The following SERPINI1 variants were observed in gnomAD, a reference collection of about 807,000 sequenced individuals.
SERPINI1 encodes the protein serpin family I member 1.
A neutral mutation model predicts 41.1 loss-of-function variants in SERPINI1; 19 were observed. That is an observed-to-expected ratio of 0.46 (90% CI 0.32 to 0.68). The LOEUF (loss-of-function observed/expected upper bound fraction) is 0.68. Among genes scored for constraint, SERPINI1 ranks in the 30% least tolerant of loss-of-function variants. SERPINI1 has a pLI of 0.03. For synonymous variants in SERPINI1, 138 were observed against 156.6 expected (o/e 0.88, Z 0.89); for missense variants, 460 against 479.2 (o/e 0.96, Z 0.37).
chr3:167,754,275 C>T (rs1264529619), intron 1 of SERPINI1, among the ~76,000 whole-genome samples: 3 of 152,158 alleles, frequency 2.0e-5, no homozygotes, highest in Admixed American at 2.0e-4. Flanking sequence ...ACCAATTGAA[C>T]CACACATTAC....
chr3:167,775,225 TTTATTATTATTA>T (rs558261774), intron 1 of SERPINI1, among the ~76,000 whole-genome samples: 3,017 of 134,316 alleles, frequency 0.022, 90 homozygotes, highest in African/African-American at 0.063. Context: ...GAAGTGTCAC[TTTATTATTATTA>T]TTATTATTAT....
Position 167,825,150 on chromosome 3 carries a change from G to A in SERPINI1, c.1157-97G>A, listed in dbSNP as rs1172812488. On this transcript the variant is annotated intron_variant, in intron 8 of 8. Transcript: ENST00000446050. ...AAGGAAGGAAGGAAGGAAGGAAGGA[G>A]AAAATAACATATTTTCATTAATTGT... 7 of 854,056 alleles carry A rather than the reference G, an allele frequency of 8.2e-6. No individual in the cohort carries two copies. In the East Asian group the frequency reaches 1.2e-4, roughly 15 times the overall value. The allele number at this position is 854,056 out of a possible 1,614,324, so 52.9% of individuals were successfully genotyped here.
At position 167,794,635 on chromosome 3, in the gene SERPINI1, G is replaced by A. The variant is rs1280904922; in HGVS notation, c.692G>A (p.Gly231Asp). The A allele has an allele frequency of 6.2e-7, 1 of 1,613,282 alleles. No individual in the cohort carries two copies. Among genetic ancestry groups the A allele is most frequent in the Non-Finnish European group, 8.5e-7 (1 of 1,179,650 alleles). The change falls in exon 5 of 9, where the codon GGC (glycine) becomes GAC (aspartate). Residue 231 changes from glycine to aspartate, a missense_variant. Coordinates refer to ENST00000446050, the MANE Select transcript of SERPINI1 (RefSeq NM_001122752.2). ...GEFYYGEFSD[G>D]SNEAGGIYQV... Reference sequence around the variant, plus strand: ...TTCTTTTTAGGGGAATTTAGTGATGGCTCCAATGAAGCTGGTGGTATCTAC... The same window carrying A: ...TTCTTTTTAGGGGAATTTAGTGATGACTCCAATGAAGCTGGTGGTATCTAC...
chr3:167,749,463 T>C (rs1373036472), intron 1 of SERPINI1, among the ~76,000 whole-genome samples: 1 of 152,228 alleles, frequency 6.6e-6, no homozygotes, highest in Non-Finnish European at 1.5e-5. Context: ...GCTATCTTTA[T>C]ACAAGACAAT....
intron 5 of SERPINI1, among the ~76,000 whole-genome samples, chr3:167,806,300 C>T (rs575374927): frequency 6.6e-6 from 1 of 151,386 alleles, no homozygotes; most frequent in Non-Finnish European, 1.5e-5. Context: ...GGGAGGGGAA[C>T]ATCACACACT....
chr3:167,805,740 G>A (rs894043282), intron 5 of SERPINI1, among the ~76,000 whole-genome samples: 1 of 152,136 alleles, frequency 6.6e-6, no homozygotes, highest in Non-Finnish European at 1.5e-5. Flanking sequence ...AAGGGGTCTA[G>A]TTTCTGTTTT....
intron 1 of SERPINI1, among the ~76,000 whole-genome samples, chr3:167,736,635 A>T (rs1725455512): frequency 1.3e-5 from 2 of 152,182 alleles, no homozygotes; most frequent in South Asian, 4.1e-4. Context: ...GTGCTGAAGG[A>T]CTACCCTTAA....
chr3:167,742,999 T>A (rs957268557), intron 1 of SERPINI1, among the ~76,000 whole-genome samples: 1 of 152,170 alleles, frequency 6.6e-6, no homozygotes, highest in Non-Finnish European at 1.5e-5. Flanking sequence ...TTGCATCTAA[T>A]ATTTTTCCTA....
chr3:167,747,878 A>G (rs1725912459), intron 1 of SERPINI1, among the ~76,000 whole-genome samples: 1 of 152,058 alleles, frequency 6.6e-6, no homozygotes, highest in African/African-American at 2.4e-5. Flanking sequence ...ACCATGAAAA[A>G]TTAGTGAAGA....
rs548008493 is a variant in SERPINI1, at chr3:167,789,301, G to C, written c.173G>C (p.Gly58Ala). 1 of 1,614,142 alleles carries C rather than the reference G, an allele frequency of 6.2e-7. No homozygotes were observed. The highest frequency in any genetic ancestry group is 1.3e-5 in the African/African-American group (1 of 75,054). Residue 58 changes from glycine to alanine, a missense_variant, in exon 2 of 9, where the codon GGA becomes GCA. Coordinates refer to ENST00000446050, the MANE Select transcript of SERPINI1 (RefSeq NM_001122752.2). ...FSPLSIALAM[G>A]MMELGAQGST... is the part of the protein sequence containing the mutation. The stretch of plus-strand genomic sequence containing the variant: ...CCATTGAGTATTGCTCTTGCAATGG[G>C]AATGATGGAACTTGGGGCCCAAGGA...
At chr3:167,792,486 G>T in intron 3 of SERPINI1, 104 bp from the exon 4 acceptor site, 1 of 892,292 alleles carries the variant, frequency 1.1e-6, no homozygotes, top group Non-Finnish European at 1.7e-6. Flanking sequence ...TTGGTGTACA[G>T]TTTCTCTGGA....
intron 1 of SERPINI1, among the ~76,000 whole-genome samples, chr3:167,786,824 T>TG (rs1727331607): frequency 6.6e-6 from 1 of 152,316 alleles, no homozygotes; most frequent in South Asian, 2.1e-4. Flanking sequence ...CCACCACATC[T>TG]GGCTCCAGTA....
At chr3:167,799,270 CT>C (rs1345644275) in intron 5 of SERPINI1, among the ~76,000 whole-genome samples, 3 of 152,170 alleles carry the variant, frequency 2.0e-5, no homozygotes, top group Non-Finnish European at 2.9e-5. Context: ...TCAACTCCCA[CT>C]TGTGAGTGAC....
chr3:167,802,793 C>T (rs1291868913), intron 5 of SERPINI1, among the ~76,000 whole-genome samples: 3 of 149,584 alleles, frequency 2.0e-5, no homozygotes, highest in Non-Finnish European at 3.0e-5. Context: ...ACCCAAAGGA[C>T]TATAAATCAT....
intron 1 of SERPINI1, among the ~76,000 whole-genome samples, chr3:167,784,151 C>T (rs915827170): frequency 6.6e-6 from 1 of 152,092 alleles, no homozygotes; most frequent in East Asian, 1.9e-4. Flanking sequence ...TCTATCTGAC[C>T]ATCTGTAACC....
chr3:167,772,911 C>T (rs1726833143), intron 1 of SERPINI1, among the ~76,000 whole-genome samples: 3 of 104,692 alleles, frequency 2.9e-5, no homozygotes, highest in African/African-American at 4.4e-5. Flanking sequence ...CACACACACA[C>T]ACACACACAC....
At chr3:167,812,168 T>A (rs904352873) in intron 6 of SERPINI1, among the ~76,000 whole-genome samples, 1 of 152,152 alleles carries the variant, frequency 6.6e-6, no homozygotes, top group Non-Finnish European at 1.5e-5. Flanking sequence ...TCTAAACAGT[T>A]TCCAATCTCT....
intron 1 of SERPINI1, among the ~76,000 whole-genome samples, chr3:167,745,839 G>T (rs1247531905): frequency 1.3e-5 from 2 of 151,976 alleles, no homozygotes; most frequent in Non-Finnish European, 2.9e-5. Flanking sequence ...ACCAAGGAAT[G>T]AATTTAACAA....
intron 5 of SERPINI1, among the ~76,000 whole-genome samples, chr3:167,801,179 G>A (rs143065287): frequency 6.6e-6 from 1 of 152,154 alleles, no homozygotes; most frequent in Non-Finnish European, 1.5e-5. Flanking sequence ...GTATGATTGG[G>A]TTTTTAATCC....
Sources: allele counts gnomAD v4.1 joint callset (sites outside exome capture counted in the v4.1 genomes callset), GRCh38; gene constraint gnomAD v4.1.1; transcripts MANE v1.5; gene names NCBI Gene and HGNC (gene_info 2026-07-23, HGNC 2026-07-21).